Variants in MAST4 observed in about 807,000 individuals in gnomAD.
The protein encoded by MAST4 is microtubule associated serine/threonine kinase family member 4.
A neutral mutation model predicts 162.7 loss-of-function variants in MAST4; 89 were observed. The ratio of observed to expected loss-of-function variants is 0.55; its 90% confidence interval spans 0.46 to 0.65. The LOEUF (loss-of-function observed/expected upper bound fraction) is 0.65, where lower values mean the gene tolerates loss of function less well. Ranked by LOEUF, MAST4 falls within the 30% of genes least tolerant of loss-of-function variation. MAST4 has a pLI of 0.00. For missense variants in MAST4, 3,153 were observed against 3,374.0 expected (o/e 0.93, Z 1.62); for synonymous variants, 1,479 against 1,361.1 (o/e 1.09, Z -1.91).
chr5:66,879,278 CAAAA>C (rs34519699), intron 3 of MAST4, among the ~76,000 whole-genome samples: 2 of 150,570 alleles, frequency 1.3e-5, no homozygotes, highest in South Asian at 2.1e-4. Context: ...GACTCCGTCT[CAAAA>C]AAAAAGTACA....
chr5:66,893,138 A>G (rs1410590022), intron 3 of MAST4, among the ~76,000 whole-genome samples: 1 of 152,170 alleles, frequency 6.6e-6, no homozygotes, highest in Non-Finnish European at 1.5e-5. Context: ...AAATTTACAT[A>G]TAAACCCAGC....
intron 3 of MAST4, among the ~76,000 whole-genome samples, chr5:66,857,819 G>A (rs985097790): frequency 2.6e-5 from 4 of 152,076 alleles, no homozygotes; most frequent in African/African-American, 9.6e-5. Context: ...TTATGGTGTC[G>A]TTTGTCAAGT....
intron 1 of MAST4, among the ~76,000 whole-genome samples, chr5:66,676,696 C>T (rs1011327084): frequency 6.6e-6 from 1 of 152,206 alleles, no homozygotes; most frequent in South Asian, 2.1e-4. Flanking sequence ...GCTGCCATAA[C>T]ACAAGTGGCT....
intron 4 of MAST4, among the ~76,000 whole-genome samples, chr5:66,997,621 C>T (rs1388545337): frequency 6.6e-6 from 1 of 151,614 alleles, no homozygotes; most frequent in Non-Finnish European, 1.5e-5. Context: ...TTAGTAGAGA[C>T]GGGGTTTCGC....
At chr5:67,060,888 C>T (rs1342974877) in intron 5 of MAST4, among the ~76,000 whole-genome samples, 1 of 152,132 alleles carries the variant, frequency 6.6e-6, no homozygotes, top group Non-Finnish European at 1.5e-5. Flanking sequence ...GCACATAATG[C>T]CAACCAAGCA....
chr5:66,932,252 A>T (rs935806414), intron 4 of MAST4, among the ~76,000 whole-genome samples: 3 of 152,170 alleles, frequency 2.0e-5, no homozygotes, highest in African/African-American at 7.2e-5. Flanking sequence ...GGGAATTCCC[A>T]ATTGGGCATG....
rs777389037 is a variant in MAST4 at position 66,596,762 on chromosome 5, C to G, written c.107C>G (p.Ala36Gly). The change falls in exon 1 of 29, where the codon GCT (alanine) becomes GGT (glycine). Residue 36 changes from alanine (A) to glycine (G), a missense_variant. Physicochemically the swap from Ala to Gly is moderately conservative, Grantham distance 60. Around this residue, in one of 7 missense-constraint regions of MAST4, gnomAD observed 327 missense variants for 336.5 expected, o/e 0.97. Coordinates refer to ENST00000403625, the MANE Select transcript of MAST4 (RefSeq NM_001164664.2). ...SALVAASSPG[A>G]SSAESSSGSE... ...CTGGTCGCCGCGTCCTCTCCGGGTG[C>G]TTCCTCGGCCGAGTCCTCCTCGGGC... is the stretch of plus-strand genomic sequence containing the variant. The G allele has an allele frequency of 2.1e-6, 3 of 1,396,604 alleles. No individual in the cohort carries two copies. In the Admixed American group the frequency reaches 9.0e-5, roughly 42 times the overall value. 86.5% of individuals were successfully genotyped at this position (1,396,604 alleles called of 1,614,324 possible).
At chr5:67,075,552 T>C (rs1761537697) in intron 5 of MAST4, among the ~76,000 whole-genome samples, 1 of 152,032 alleles carries the variant, frequency 6.6e-6, no homozygotes, top group Non-Finnish European at 1.5e-5. Flanking sequence ...TAATGTAAAA[T>C]ATTACAAAAC....
chr5:66,926,606 ATGTATATGTATATATGTG>A (rs1198723108), intron 4 of MAST4, among the ~76,000 whole-genome samples: 126 of 151,874 alleles, frequency 8.3e-4, no homozygotes, highest in Non-Finnish European at 1.6e-3. Flanking sequence ...GTATATATGT[ATGTATATGTATATATGTG>A]TGTATATATG....
chr5:67,023,620 G>T (rs1246792761), intron 4 of MAST4, among the ~76,000 whole-genome samples: 1 of 152,124 alleles, frequency 6.6e-6, no homozygotes, highest in Non-Finnish European at 1.5e-5. Context: ...GGATCGGAGT[G>T]AACATGGTGG....
At chr5:66,803,818 T>C (rs1244439234) in intron 3 of MAST4, among the ~76,000 whole-genome samples, 1 of 152,170 alleles carries the variant, frequency 6.6e-6, no homozygotes, top group East Asian at 1.9e-4. Context: ...TTTTTTCTTA[T>C]TTTCACTAAT....
At chr5:67,150,404 T>C (rs1771660085) in intron 24 of MAST4, among the ~76,000 whole-genome samples, 1 of 152,240 alleles carries the variant, frequency 6.6e-6, no homozygotes, top group South Asian at 2.1e-4. Flanking sequence ...AAGCTTCATA[T>C]TTGTGCAGAA....
At chr5:66,841,022 T>C (rs992338194) in intron 3 of MAST4, among the ~76,000 whole-genome samples, 12 of 152,330 alleles carry the variant, frequency 7.9e-5, no homozygotes, top group Admixed American at 5.9e-4. Flanking sequence ...CCACCACTTA[T>C]TGGCTTTATT....
intron 1 of MAST4, among the ~76,000 whole-genome samples, chr5:66,641,119 G>A (rs1010855243): frequency 1.3e-5 from 2 of 151,976 alleles, no homozygotes; most frequent in Non-Finnish European, 2.9e-5. Context: ...ACTGAATTTT[G>A]GATGTTCACC....
At chr5:66,605,121 C>T (rs1742798780) in intron 1 of MAST4, among the ~76,000 whole-genome samples, 1 of 152,124 alleles carries the variant, frequency 6.6e-6, no homozygotes, top group South Asian at 2.1e-4. Context: ...ATAAGACAAA[C>T]TCACAAAATT....
chr5:66,899,713 T>A (rs970822802), intron 3 of MAST4, among the ~76,000 whole-genome samples: 2 of 152,160 alleles, frequency 1.3e-5, no homozygotes, highest in Non-Finnish European at 2.9e-5. Flanking sequence ...TTGGGAAGAT[T>A]GATGGTTTTT....
Position 67,124,843 on chromosome 5 carries a change from G to A in MAST4, c.1745+3741G>A, listed in dbSNP as rs954360030. 2.6e-5 allele frequency among the ~76,000 whole-genome samples: 4 copies of A among 152,256 alleles called. No individual in the cohort carries two copies. In the East Asian group the frequency reaches 5.8e-4, roughly 22 times the overall value. ...AGACTAAAGCCGTTTTTTATATAGT[G>A]CCACAGAGAGACCCAGTGAGGATGC... On this transcript the variant is annotated intron_variant, in intron 14 of 28. Transcript: ENST00000403625.
At chr5:66,805,362 T>G (rs1185608001) in intron 3 of MAST4, among the ~76,000 whole-genome samples, 2 of 152,380 alleles carry the variant, frequency 1.3e-5, no homozygotes, top group Admixed American at 6.5e-5. Context: ...AAAATTCTTC[T>G]CATTTCATGG....
intron 4 of MAST4, among the ~76,000 whole-genome samples, chr5:67,038,743 TAAAATG>T (rs1409038435): frequency 3.9e-5 from 6 of 152,170 alleles, no homozygotes; most frequent in African/African-American, 1.4e-4. Flanking sequence ...TTTTAAAAAA[TAAAATG>T]AAAATGATTT....
Sources: gnomAD v4.1 joint callset for allele counts (sites outside exome capture counted in the v4.1 genomes callset) on GRCh38, gnomAD v4.1.1 for gene constraint, gnomAD v4.1.1 regional missense constraint, MANE v1.5 for transcripts, NCBI Gene and HGNC (gene_info 2026-07-23, HGNC 2026-07-21) for gene names.